Variants in GULP1 observed in about 807,000 individuals in gnomAD.
GULP1 encodes the protein PTB domain-containing engulfment adapter protein 1.
GULP1 carries 19 observed loss-of-function variants against 40.9 expected under a neutral mutation model. The ratio of observed to expected loss-of-function variants is 0.46; its 90% confidence interval spans 0.32 to 0.68. The LOEUF is 0.68. Ranked by LOEUF, GULP1 falls within the 30% of genes least tolerant of loss-of-function variation. GULP1 has a pLI of 0.03. For synonymous variants in GULP1, 119 were observed against 117.6 expected (o/e 1.01, Z -0.08); for missense variants, 312 against 362.2 (o/e 0.86, Z 1.12).
intron 2 of GULP1, chr2:188,384,105 T>C (rs1049803550): frequency 1.3e-5 from 2 of 152,190 alleles, no homozygotes; most frequent in Non-Finnish European, 2.9e-5. Context: ...ATTTTATTTT[T>C]GTTTTGTTGG....
chr2:188,542,263 T>C (rs948597654), intron 7 of GULP1: 1 of 152,154 alleles, frequency 6.6e-6, no homozygotes, highest in Non-Finnish European at 1.5e-5. Flanking sequence ...CCTCAACAAT[T>C]TTATTGGTTT....
At chr2:188,458,980 C>A (rs577249837) in intron 2 of GULP1, among the ~76,000 whole-genome samples, 1 of 152,280 alleles carries the variant, frequency 6.6e-6, no homozygotes, top group East Asian at 1.9e-4. Flanking sequence ...TTTCACTGAA[C>A]ATAATGACTT....
chr2:188,521,825 C>T (rs975989864), intron 4 of GULP1, among the ~76,000 whole-genome samples: 1 of 152,088 alleles, frequency 6.6e-6, no homozygotes, highest in African/African-American at 2.4e-5. Flanking sequence ...GCCTGTAATC[C>T]CAGTACTTTG....
intron 1 of GULP1, among the ~76,000 whole-genome samples, chr2:188,353,133 G>A (rs1432193623): frequency 6.6e-6 from 1 of 152,100 alleles, no homozygotes; most frequent in African/African-American, 2.4e-5. Flanking sequence ...TTTACCATCT[G>A]GCAAATGCTT....
At chr2:188,506,703 A>G (rs572744316) in intron 4 of GULP1, among the ~76,000 whole-genome samples, 94 of 152,096 alleles carry the variant, frequency 6.2e-4, no homozygotes, top group African/African-American at 2.1e-3. Flanking sequence ...GATTCCCCTT[A>G]AATTCTACAT....
intron 4 of GULP1, among the ~76,000 whole-genome samples, chr2:188,513,082 T>C (rs2064764330): frequency 6.6e-6 from 1 of 152,130 alleles, no homozygotes. Context: ...AGTGGAGAGA[T>C]ACATGGGGTG....
intron 1 of GULP1, among the ~76,000 whole-genome samples, chr2:188,301,496 A>G (rs2036124553): frequency 6.6e-6 from 1 of 152,028 alleles, no homozygotes; most frequent in East Asian, 1.9e-4. Flanking sequence ...GTCCACTAAA[A>G]TCTATTCCTT....
intron 2 of GULP1, among the ~76,000 whole-genome samples, chr2:188,419,821 T>G (rs963063771): frequency 2.6e-5 from 4 of 152,202 alleles, no homozygotes; most frequent in Non-Finnish European, 5.9e-5. Flanking sequence ...TTTAGGAGTT[T>G]AACAATTTTG....
At chr2:188,577,805 C>T (rs766260229) in intron 9 of GULP1, among the ~76,000 whole-genome samples, 35 of 152,130 alleles carry the variant, frequency 2.3e-4, no homozygotes, top group East Asian at 5.8e-4. Context: ...TACCTTTAAA[C>T]TTTATTTAAA....
intron 2 of GULP1, among the ~76,000 whole-genome samples, chr2:188,403,380 T>G (rs1227750328): frequency 6.6e-6 from 1 of 152,100 alleles, no homozygotes; most frequent in Non-Finnish European, 1.5e-5. Context: ...TGCCCTAAAT[T>G]AACATGAAGG....
At chr2:188,322,529 T>C (rs1432398909) in intron 1 of GULP1, among the ~76,000 whole-genome samples, 1 of 152,152 alleles carries the variant, frequency 6.6e-6, no homozygotes, top group Non-Finnish European at 1.5e-5. Context: ...TCATGGTGGT[T>C]TGTTATCCAA....
chr2:188,449,155 G>A (rs1379882232), intron 2 of GULP1, among the ~76,000 whole-genome samples: 1 of 152,150 alleles, frequency 6.6e-6, no homozygotes, highest in Non-Finnish European at 1.5e-5. Flanking sequence ...GAACCTAAAT[G>A]TGTTATTCTT....
chr2:188,369,302 TTG>T (rs1246715726), intron 1 of GULP1, among the ~76,000 whole-genome samples: 2 of 152,022 alleles, frequency 1.3e-5, no homozygotes, highest in African/African-American at 4.8e-5. Flanking sequence ...AATCAAAGTT[TTG>T]TTCATTCATC....
rs1349236063 is a variant in GULP1 at position 188,595,736 on chromosome 2, A to C, written c.*1725A>C. 1.3e-5 allele frequency: 2 copies of C among 152,200 alleles called. No homozygotes were observed. The highest frequency in any genetic ancestry group is 3.0e-5 in the Non-Finnish European group (2 of 67,776). 9.4% of individuals were successfully genotyped at this position (152,200 alleles called of 1,614,324 possible). A position where few individuals can be genotyped will look rare whatever the true frequency, so the allele number is the denominator to read the frequency against. ...CTAAGATGGTATTTGCACATTTAAG[A>C]TATGTTACTTTACCAATTTTTAATG... is the stretch of plus-strand genomic sequence containing the variant. On this transcript the variant is annotated 3_prime_UTR_variant, in exon 12 of 12. Coordinates refer to ENST00000409830, the MANE Select transcript of GULP1 (RefSeq NM_016315.4).
At chr2:188,431,510 A>G (rs1235905728) in intron 2 of GULP1, among the ~76,000 whole-genome samples, 4 of 152,176 alleles carry the variant, frequency 2.6e-5, no homozygotes, top group East Asian at 1.9e-4. Flanking sequence ...AAAACTTACA[A>G]TTTCACGAAG....
intron 2 of GULP1, among the ~76,000 whole-genome samples, chr2:188,391,148 A>G (rs1011695378): frequency 6.6e-6 from 1 of 151,814 alleles, no homozygotes; most frequent in African/African-American, 2.4e-5. Flanking sequence ...TGTGAAAATG[A>G]TGTTGCTATT....
At chr2:188,503,252 T>C (rs2063597821) in intron 4 of GULP1, among the ~76,000 whole-genome samples, 1 of 151,924 alleles carries the variant, frequency 6.6e-6, no homozygotes. Flanking sequence ...GTTAGTGTAT[T>C]AGTCCATTTT....
intron 7 of GULP1, among the ~76,000 whole-genome samples, chr2:188,542,586 T>C (rs1002700173): frequency 7.2e-5 from 11 of 152,180 alleles, no homozygotes; most frequent in African/African-American, 2.7e-4. Context: ...GATATCATAA[T>C]ACCTTTTGTG....
chr2:188,449,353 G>T (rs1340020501), intron 2 of GULP1, among the ~76,000 whole-genome samples: 1 of 151,842 alleles, frequency 6.6e-6, no homozygotes. Context: ...TTCTTGTTTC[G>T]TCTTCCACAC....
Sources: allele counts gnomAD v4.1 joint callset (sites outside exome capture counted in the v4.1 genomes callset), GRCh38; gene constraint gnomAD v4.1.1; transcripts MANE v1.5; gene names NCBI Gene and HGNC (gene_info 2026-07-23, HGNC 2026-07-21).